Variants in SLC35D4 observed in about 807,000 individuals in gnomAD.
The protein encoded by SLC35D4 is UDP-N-acetylglucosamine transporter SLC35D4.
At chr18:23,352,165 G>T in the SLC35D4 span, 1 of 1,572,884 alleles carries the variant, frequency 6.4e-7, no homozygotes, top group South Asian at 1.2e-5. Context: ...AGGCTCTTGA[G>T]AGAGAATTTC....
At chr18:23,247,689 G>A in the SLC35D4 span, among the ~76,000 whole-genome samples, 3 of 152,348 alleles carry the variant, frequency 2.0e-5, no homozygotes, top group African/African-American at 2.4e-5. Context: ...TTTGAATCCA[G>A]GACTCTGGCT....
chr18:23,369,586 A>G, the SLC35D4 span, among the ~76,000 whole-genome samples: 1 of 152,188 alleles, frequency 6.6e-6, no homozygotes, highest in Non-Finnish European at 1.5e-5. Context: ...TGGCACCCAA[A>G]GCAGCTGGCC....
chr18:23,370,072 G>C, the SLC35D4 span: 2 of 596,228 alleles, frequency 3.4e-6, no homozygotes, highest in African/African-American at 3.9e-5. Context: ...CCAGCTACTC[G>C]GGAGGCTGAG....
the SLC35D4 span, chr18:23,257,265 G>C: frequency 6.2e-7 from 1 of 1,612,820 alleles, no homozygotes; most frequent in Non-Finnish European, 8.5e-7. Context: ...GGCGAGAACT[G>C]ATTGCCTTTG....
the SLC35D4 span, among the ~76,000 whole-genome samples, chr18:23,246,362 C>T: frequency 6.6e-6 from 1 of 151,684 alleles, no homozygotes; most frequent in Non-Finnish European, 1.5e-5. Flanking sequence ...GTAGCATGCA[C>T]TGGCAAAACC....
At chr18:23,393,329 C>T in the SLC35D4 span, among the ~76,000 whole-genome samples, 11 of 152,080 alleles carry the variant, frequency 7.2e-5, no homozygotes, top group Non-Finnish European at 1.6e-4. Flanking sequence ...CACCATTGTA[C>T]AACCATCACC....
the SLC35D4 span, among the ~76,000 whole-genome samples, chr18:23,303,569 G>A: frequency 0.046 from 7,034 of 152,264 alleles, 235 homozygotes; most frequent in South Asian, 0.14. Context: ...ACAAAATGTG[G>A]TCAATGCAGG....
At chr18:23,428,019 T>C in the SLC35D4 span, among the ~76,000 whole-genome samples, 1 of 151,630 alleles carries the variant, frequency 6.6e-6, no homozygotes, top group Admixed American at 6.6e-5. Context: ...GGGCCTGCCA[T>C]GGGTTGGGGG....
the SLC35D4 span, among the ~76,000 whole-genome samples, chr18:23,292,170 T>C: frequency 1.3e-5 from 2 of 152,222 alleles, no homozygotes; most frequent in African/African-American, 4.8e-5. Context: ...CTCCCTTTTT[T>C]GGGCATGCAG....
At chr18:23,324,900 C>T in the SLC35D4 span, among the ~76,000 whole-genome samples, 1 of 152,300 alleles carries the variant, frequency 6.6e-6, no homozygotes, top group East Asian at 1.9e-4. Context: ...AGTTTAAAAT[C>T]CCTTTTTCCT....
At chr18:23,243,195 A>G in the SLC35D4 span, among the ~76,000 whole-genome samples, 1 of 152,020 alleles carries the variant, frequency 6.6e-6, no homozygotes, top group Non-Finnish European at 1.5e-5. Context: ...GACCCTTTCC[A>G]TGGCCTCAGG....
the SLC35D4 span, chr18:23,253,812 A>G: frequency 1.9e-6 from 3 of 1,614,112 alleles, no homozygotes; most frequent in Admixed American, 3.3e-5. Flanking sequence ...GTCTACTTTG[A>G]AAAGCTCGCC....
the SLC35D4 span, chr18:23,421,369 T>G: frequency 6.2e-7 from 1 of 1,613,834 alleles, no homozygotes; most frequent in Non-Finnish European, 8.5e-7. Flanking sequence ...GGTTATACCT[T>G]GAACTGCTGT....
chr18:23,377,052 C>T, the SLC35D4 span: 5 of 444,606 alleles, frequency 1.1e-5, no homozygotes, highest in Admixed American at 9.6e-5. Context: ...TTTCTGTCTC[C>T]AGGACTGAGC....
At chr18:23,431,776 G>A in the SLC35D4 span, among the ~76,000 whole-genome samples, 1 of 152,030 alleles carries the variant, frequency 6.6e-6, no homozygotes. Flanking sequence ...TATGAGTGAA[G>A]GAATTGTGTT....
chr18:23,437,459 G>A, the SLC35D4 span, among the ~76,000 whole-genome samples: 1 of 151,894 alleles, frequency 6.6e-6, no homozygotes, highest in Non-Finnish European at 1.5e-5. Context: ...CTTCCTCCCC[G>A]GGGGAGCAGG....
chr18:23,263,716 T>G, the SLC35D4 span, among the ~76,000 whole-genome samples: 1 of 152,222 alleles, frequency 6.6e-6, no homozygotes. Flanking sequence ...TGCAAATTTG[T>G]TTTGCTCTAA....
chr18:23,412,563 C>T, the SLC35D4 span, among the ~76,000 whole-genome samples: 1 of 152,056 alleles, frequency 6.6e-6, no homozygotes, highest in Non-Finnish European at 1.5e-5. Flanking sequence ...TTTCCTTAGA[C>T]TTTTCTCTTT....
chr18:23,322,000 C>T, the SLC35D4 span, among the ~76,000 whole-genome samples: 1 of 152,320 alleles, frequency 6.6e-6, no homozygotes, highest in African/African-American at 2.4e-5. Context: ...CCTCTCCTCA[C>T]GATTCCTTCT....
Sources: allele counts gnomAD v4.1 joint callset (sites outside exome capture counted in the v4.1 genomes callset), GRCh38; gene constraint gnomAD v4.1.1; transcripts MANE v1.5; gene names NCBI Gene and HGNC (gene_info 2026-07-23, HGNC 2026-07-21).